The following CTBS variants were observed in gnomAD, a reference collection of about 807,000 sequenced individuals.
CTBS encodes the protein chitobiase.
Under a neutral mutation model 44.3 loss-of-function variants are expected in CTBS, and 35 were observed. The ratio of observed to expected loss-of-function variants is 0.79; its 90% CI spans 0.60 to 1.05. The LOEUF is 1.05. CTBS is among the 50% of genes least tolerant of loss of function. The pLI, the probability that CTBS is intolerant of heterozygous loss-of-function variation, is 0.00. For synonymous variants in CTBS, 143 were observed against 168.0 expected, an observed-to-expected ratio of 0.85 and a Z score of 1.15; for missense variants, 458 against 475.3, an observed-to-expected ratio of 0.96 and a Z score of 0.34.
At position 84,550,680 on chromosome 1, in the gene CTBS, A is replaced by C; in HGVS notation, c.*4319T>G. ...CTTAACAGTAAAGAGCATAGGTGAA[A>C]AAAAAAATGCAGGAAGAAAAACTAA... On this transcript the variant is annotated 3_prime_UTR_variant, in exon 7 of 7. Transcript: ENST00000370630. The C allele has an allele frequency of 3.3e-6, 4 of 1,205,708 alleles. No individual in the cohort carries two copies. The highest frequency in any genetic ancestry group is 4.2e-6 in the Non-Finnish European group (4 of 962,152). 74.7% of individuals were successfully genotyped at this position (1,205,708 alleles called of 1,614,324 possible). A position where few individuals can be genotyped will look rare whatever the true frequency, so the allele number is the denominator to read the frequency against.
intron 2 of CTBS, 107 bp downstream of exon 2, chr1:84,570,475 A>G (rs1558632082): frequency 1.1e-6 from 1 of 912,312 alleles, no homozygotes; most frequent in Non-Finnish European, 1.7e-6. Context: ...TAGGATCCTA[A>G]CAAAAACAGA....
In CTBS at chr1:84,557,829, G is replaced by A. The variant is rs185683498; in HGVS notation, c.958-2630C>T. Among the ~76,000 whole-genome samples, 6 of 150,972 alleles carry A rather than the reference G, an allele frequency of 4.0e-5. No individual in the cohort carries two copies. The East Asian group carries it at 7.8e-4, about 20-fold the overall frequency. On this transcript the variant is annotated intron_variant, in intron 6 of 6. Coordinates refer to ENST00000370630, the MANE Select transcript of CTBS (RefSeq NM_004388.3). ...GCCAAGATCGCGCCACTGCACACCA[G>A]CGTGGGCGACATAGTGAGACTCCAT... is the stretch of plus-strand genomic sequence containing the variant.
At position 84,572,228 on chromosome 1, in the gene CTBS, AT is replaced by A. The variant is rs201904839; in HGVS notation, c.178-1509del. On this transcript the variant is annotated intron_variant, in intron 1 of 6. Transcript: ENST00000370630. ...ACCAGGCATTTCTTAATTTTTTTTA[AT>A]TTTTTTTAACTTTTCAGAATTAATT... 9.8e-3 allele frequency among the ~76,000 whole-genome samples: 1,495 copies of A among 151,986 alleles called. 30 individuals carry two copies. The highest frequency in any genetic ancestry group is 0.034 in the African/African-American group (1,414 of 41,452).
rs757708100 is a variant in CTBS, at chr1:84,569,926, T to C, written c.525+5A>G. ...GAGGTTTCCAAAAAATAAATGAGTT[T>C]TTACCTGTGATCCCTCAATTTCACG... On this transcript the variant is annotated splice_donor_5th_base_variant and intron_variant, in intron 3 of 6. Transcript: ENST00000370630. 1.2e-6 allele frequency: 2 copies of C among 1,608,838 alleles called. No homozygotes were observed. The highest frequency in any genetic ancestry group is 1.7e-6 in the Non-Finnish European group (2 of 1,178,656).
Position 84,550,495 on chromosome 1 carries a change from G to T in CTBS, c.*4504C>A, listed in dbSNP as rs557637353. 5 of 1,559,688 alleles carry T rather than the reference G, an allele frequency of 3.2e-6. No homozygotes were observed. The South Asian group carries it at 6.1e-5, about 19-fold the overall frequency. On this transcript the variant is annotated 3_prime_UTR_variant, in exon 7 of 7. Transcript: ENST00000370630. The stretch of plus-strand genomic sequence containing the variant: ...AATTGACCAGCTTAAGAGAAAACTA[G>T]ATACTGACAAAATGAAACTCATAGT...
rs1447290671 is a variant in CTBS at position 84,550,483 on chromosome 1, A to G, written c.*4516T>C. On this transcript the variant is annotated 3_prime_UTR_variant, in exon 7 of 7. Transcript: ENST00000370630. ...GGTACAGCATGCAATTGACCAGCTT[A>G]AGAGAAAACTAGATACTGACAAAAT... is the stretch of plus-strand genomic sequence containing the variant. The G allele has an allele frequency of 2.5e-6, 4 of 1,571,770 alleles. No individual in the cohort carries two copies. Among genetic ancestry groups the G allele is most frequent in the Non-Finnish European group, 3.5e-6 (4 of 1,157,840 alleles).
rs1273281429 is a variant in CTBS, at chr1:84,551,155, T to A, written c.*3844A>T. 3 of 985,154 alleles carry A rather than the reference T, an allele frequency of 3.0e-6. No individual in the cohort carries two copies. Among genetic ancestry groups the A allele is most frequent in the East Asian group, 2.3e-4 (2 of 8,830 alleles). The allele number at this position is 985,154 out of a possible 1,614,324, so 61.0% of individuals were successfully genotyped here. The stretch of plus-strand genomic sequence containing the variant: ...AGTACATATGTATTAAAAAGCTTTT[T>A]TGTTGAACAGAAAACAGAAGATTAT... On this transcript the variant is annotated 3_prime_UTR_variant, in exon 7 of 7. Transcript: ENST00000370630.
chr1:84,555,731 T>C (rs2102015154), intron 6 of CTBS, among the ~76,000 whole-genome samples: 1 of 152,346 alleles, frequency 6.6e-6, no homozygotes, highest in Middle Eastern at 3.4e-3. Context: ...TACAGATTCC[T>C]GGGTCCCACA....
intron 3 of CTBS, 57 bp downstream of exon 3, chr1:84,569,874 A>G: frequency 7.5e-7 from 1 of 1,327,900 alleles, no homozygotes; most frequent in Non-Finnish European, 1.1e-6. Context: ...TTATACCCTC[A>G]TGAGTATATT....
chr1:84,572,265 C>T (rs892545457), intron 1 of CTBS, among the ~76,000 whole-genome samples: 1 of 151,714 alleles, frequency 6.6e-6, no homozygotes, highest in African/African-American at 2.4e-5. Context: ...ATGCATAACT[C>T]ATTTTTTCTG....
intron 6 of CTBS, among the ~76,000 whole-genome samples, chr1:84,558,604 T>TA (rs112293082): frequency 0.016 from 2,291 of 139,804 alleles, 38 homozygotes; most frequent in African/African-American, 0.044. Flanking sequence ...TTTTTTTAAT[T>TA]AAAAAAAAAA....
Position 84,554,899 on chromosome 1 carries a change from A to G in CTBS, c.*100T>C. The G allele has an allele frequency of 1.1e-6, 1 of 872,804 alleles. No individual in the cohort carries two copies. The highest frequency in any genetic ancestry group is 1.8e-6 in the Non-Finnish European group (1 of 565,830). The allele number at this position is 872,804 out of a possible 1,614,324, so 54.1% of individuals were successfully genotyped here. A position where few individuals can be genotyped will look rare whatever the true frequency, so the allele number is the denominator to read the frequency against. On this transcript the variant is annotated 3_prime_UTR_variant, in exon 7 of 7. Coordinates refer to ENST00000370630, the MANE Select transcript of CTBS (RefSeq NM_004388.3). ...TTTATTTATTCTTTTTTTTTAGTAT[A>G]CGGATAACAAAAGTATATAGCAACA...
chr1:84,573,111 C>T (rs1647364801), intron 1 of CTBS, among the ~76,000 whole-genome samples: 1 of 152,200 alleles, frequency 6.6e-6, no homozygotes, highest in Non-Finnish European at 1.5e-5. Flanking sequence ...GGATTTCCTG[C>T]TTAAGCAAAC....
At position 84,552,904 on chromosome 1, in the gene CTBS, G is replaced by A; in HGVS notation, c.*2095C>T. The A allele has an allele frequency of 1.6e-6, 1 of 620,496 alleles. No homozygotes were observed. Among genetic ancestry groups the A allele is most frequent in the Non-Finnish European group, 2.8e-6 (1 of 351,962 alleles). The allele number at this position is 620,496 out of a possible 1,614,324, so 38.4% of individuals were successfully genotyped here. A position where few individuals can be genotyped will look rare whatever the true frequency, so the allele number is the denominator to read the frequency against. On this transcript the variant is annotated 3_prime_UTR_variant, in exon 7 of 7. Coordinates refer to ENST00000370630, the MANE Select transcript of CTBS (RefSeq NM_004388.3). The stretch of plus-strand genomic sequence containing the variant: ...CATTTACTGTAGTAATCCAGTGGGA[G>A]TTGAAAGCACTGAAGCCAAATGAGA...
chr1:84,559,437 A>G (rs927311978), intron 6 of CTBS, among the ~76,000 whole-genome samples: 3 of 152,172 alleles, frequency 2.0e-5, no homozygotes, highest in Non-Finnish European at 2.9e-5. Flanking sequence ...CCTGGCCAAC[A>G]TGGTGAAACC....
In CTBS at chr1:84,563,347, C is replaced by T. The variant is rs765879098; in HGVS notation, c.867G>A (p.Val289=). ...APCSDAAGRQ[V]PYKTIMKQIN... is the part of the protein sequence containing the mutation. ...TTTGCTTCATGATCGTTTTGTAGGG[C>T]ACCTGACGTCCTGCAGCGTCACTAC... Residue 289 remains valine (V), a synonymous_variant, in exon 6 of 7, where the codon GTG becomes GTA. Transcript: ENST00000370630. 4 of 1,598,572 alleles carry T rather than the reference C, an allele frequency of 2.5e-6. No homozygotes were observed. The highest frequency in any genetic ancestry group is 3.4e-6 in the Non-Finnish European group (4 of 1,172,828).
At position 84,555,120 on chromosome 1, in the gene CTBS, T is replaced by C. The variant is rs149668513; in HGVS notation, c.1037A>G (p.Tyr346Cys). The C allele has an allele frequency of 2.9e-5, 46 of 1,613,846 alleles. No individual in the cohort carries two copies. In the East Asian group the frequency reaches 7.8e-4, roughly 27 times the overall value. ...ISLKATYIQNYRLRGIGMWNA... is the reference protein window; with the variant it reads ...ISLKATYIQNCRLRGIGMWNA... ...CCACATGCCAATGCCCCGTAAGCGA[T>C]AGTTTTGTATATATGTTGCCTTTAA... Residue 346 changes from tyrosine (Y) to cysteine (C), a missense_variant, in exon 7 of 7, where the codon TAT (tyrosine) becomes TGT (cysteine). Transcript: ENST00000370630.
chr1:84,558,061 G>A (rs1241466878), intron 6 of CTBS, among the ~76,000 whole-genome samples: 1 of 151,954 alleles, frequency 6.6e-6, no homozygotes, highest in African/African-American at 2.4e-5. Flanking sequence ...TTTCAATTAG[G>A]AACAATAAAT....
intron 6 of CTBS, among the ~76,000 whole-genome samples, chr1:84,557,656 C>T (rs1271913586): frequency 6.6e-6 from 1 of 150,934 alleles, no homozygotes; most frequent in Non-Finnish European, 1.5e-5. Context: ...GAGATCGAGA[C>T]CATCCTGGCT....
Sources: allele counts gnomAD v4.1 joint callset (sites outside exome capture counted in the v4.1 genomes callset), GRCh38; gene constraint gnomAD v4.1.1; transcripts MANE v1.5; gene names NCBI Gene and HGNC (gene_info 2026-07-23, HGNC 2026-07-21).